Variants in SATB2 observed in about 807,000 individuals in gnomAD.
SATB2 encodes DNA-binding protein SATB2.
SATB2 carries 1 observed loss-of-function variant against 73.4 expected under a neutral mutation model. That is an observed-to-expected ratio of 0.01 (90% CI 0.00 to 0.06). The LOEUF is 0.06. Ranked by LOEUF, SATB2 falls within the 10% of genes least tolerant of loss-of-function variation. SATB2 has a pLI of 1.00. For synonymous variants in SATB2, 397 were observed against 367.0 expected (o/e 1.08, Z -0.93); for missense variants, 459 against 945.8 (o/e 0.49, Z 6.75).
intron 7 of SATB2, among the ~76,000 whole-genome samples, chr2:199,334,791 G>T (rs1005240292): frequency 6.6e-6 from 1 of 152,004 alleles, no homozygotes; most frequent in African/African-American, 2.4e-5. Context: ...TAGCCAAAGC[G>T]GTTAAATCAG....
chr2:199,380,561 C>T (rs1342442787), intron 4 of SATB2, 74 bp from the exon 5 acceptor site: 3 of 1,566,166 alleles, frequency 1.9e-6, no homozygotes, highest in African/African-American at 2.7e-5. Context: ...GACACTGCAG[C>T]AGCCATTCTT....
chr2:199,383,119 T>C lies in SATB2; in HGVS notation c.347-1299A>G, dbSNP rs957099638. Among the ~76,000 whole-genome samples, 4 of 152,208 alleles carry C rather than the reference T, an allele frequency of 2.6e-5. 1 individual carries two copies. The East Asian group carries it at 7.7e-4, about 29-fold the overall frequency. ...ATTAAAATGATACACTGTTTCAGTA[T>C]TAAGATTTAACAATCTGGTGCTGAA... On this transcript the variant is annotated intron_variant, in intron 3 of 10. Coordinates refer to ENST00000417098, the MANE Select transcript of SATB2 (RefSeq NM_001172509.2).
rs188866546 is a variant in SATB2 at position 199,361,836 on chromosome 2, C to T, written c.700+6769G>A. Among the ~76,000 whole-genome samples, 338 of 148,698 alleles carry T rather than the reference C, an allele frequency of 2.3e-3. 14 individuals are homozygous for T. Among genetic ancestry groups the T allele is most frequent in the Admixed American group, 0.021 (311 of 14,784 alleles). On this transcript the variant is annotated intron_variant, in intron 6 of 10. Transcript: ENST00000417098. ...GCAGTGGCGCAATCTCAGCTCACTT[C>T]GACCTCCACTTCCTGGGTTCAAGCG...
At chr2:199,446,430 CTATT>C (rs1253666358) in intron 2 of SATB2, among the ~76,000 whole-genome samples, 2 of 152,026 alleles carry the variant, frequency 1.3e-5, no homozygotes, top group Non-Finnish European at 2.9e-5. Flanking sequence ...AAAACCTTGA[CTATT>C]TAATTGCTGT....
intron 9 of SATB2, among the ~76,000 whole-genome samples, chr2:199,310,039 T>A (rs573608376): frequency 5.1e-4 from 78 of 152,330 alleles, no homozygotes; most frequent in Non-Finnish European, 8.5e-4. Context: ...GATTTGATTA[T>A]CTCTGCTGCA....
chr2:199,334,578 T>C (rs1688282794), intron 7 of SATB2, among the ~76,000 whole-genome samples: 1 of 151,220 alleles, frequency 6.6e-6, no homozygotes, highest in South Asian at 2.1e-4. Context: ...AAAAAAAAGG[T>C]TCCTTCCAAA....
At chr2:199,372,555 A>G (rs1265868805) in intron 5 of SATB2, among the ~76,000 whole-genome samples, 1 of 152,172 alleles carries the variant, frequency 6.6e-6, no homozygotes, top group African/African-American at 2.4e-5. Flanking sequence ...CCAGAAACTC[A>G]GAATAAAAAG....
intron 3 of SATB2, among the ~76,000 whole-genome samples, chr2:199,422,397 T>C (rs1003934374): frequency 2.6e-5 from 4 of 151,898 alleles, no homozygotes; most frequent in South Asian, 2.1e-4. Context: ...TATACAAATA[T>C]ACAAAAATAG....
At chr2:199,313,271 GT>G (rs1318403179) in intron 9 of SATB2, among the ~76,000 whole-genome samples, 1 of 151,800 alleles carries the variant, frequency 6.6e-6, no homozygotes, top group Non-Finnish European at 1.5e-5. Flanking sequence ...AAAATAAAAA[GT>G]TTTTTTTAGA....
rs1692256951 is a variant in SATB2, at chr2:199,274,653, G to T, written c.1741-1981C>A. Among the ~76,000 whole-genome samples the T allele has an allele frequency of 4.6e-5, 7 of 152,306 alleles. No homozygotes were observed. The South Asian group carries it at 1.4e-3, about 32-fold the overall frequency. On this transcript the variant is annotated intron_variant, in intron 10 of 10. Coordinates refer to ENST00000417098, the MANE Select transcript of SATB2 (RefSeq NM_001172509.2). ...CTAAGCACAGGACTATAAAACAGTG[G>T]CACTAAAGTCTGCATAATGTTGACC...
chr2:199,383,327 C>A (rs1271043256), intron 3 of SATB2, among the ~76,000 whole-genome samples: 1 of 152,148 alleles, frequency 6.6e-6, no homozygotes, highest in Non-Finnish European at 1.5e-5. Context: ...GTGCACAGCA[C>A]ACAGCATGTA....
At chr2:199,466,183 C>T (rs190214220), upstream of SATB2, among the ~76,000 whole-genome samples, 36 of 152,276 alleles carry the variant, frequency 2.4e-4, 1 homozygote, top group East Asian at 4.1e-3. Flanking sequence ...AAGGACGTCT[C>T]GCGCATTCTT....
At chr2:199,362,398 C>T (rs1482446008) in intron 6 of SATB2, among the ~76,000 whole-genome samples, 3 of 126,526 alleles carry the variant, frequency 2.4e-5, no homozygotes, top group East Asian at 2.7e-4. Context: ...GAAGAGTTTC[C>T]GGACTTTCCT....
chr2:199,364,105 T>C (rs760264879), intron 6 of SATB2, among the ~76,000 whole-genome samples: 9 of 152,322 alleles, frequency 5.9e-5, no homozygotes, highest in Admixed American at 1.3e-4. Flanking sequence ...TCAGGGGACA[T>C]TGATTTCTCT....
intron 10 of SATB2, among the ~76,000 whole-genome samples, chr2:199,298,663 C>G (rs1687189136): frequency 6.6e-6 from 1 of 152,048 alleles, no homozygotes; most frequent in Non-Finnish European, 1.5e-5. Flanking sequence ...TACCTTCATC[C>G]CCTATTTCAA....
Position 199,290,679 on chromosome 2 carries a change from C to CA in SATB2, c.1741-18008dup, listed in dbSNP as rs1692830957. On this transcript the variant is annotated intron_variant, in intron 10 of 10. Transcript: ENST00000417098. ...CTGACTCACACAGTTCTTTAATTCC[C>CA]AAAAAAATCTGATTGAAAATTATTA... 5.9e-5 allele frequency among the ~76,000 whole-genome samples: 9 copies of CA among 151,940 alleles called. No homozygotes were observed. In the South Asian group the frequency reaches 1.9e-3, roughly 32 times the overall value.
chr2:199,276,260 C>T (rs1436923374), intron 10 of SATB2, among the ~76,000 whole-genome samples: 1 of 152,198 alleles, frequency 6.6e-6, no homozygotes, highest in African/African-American at 2.4e-5. Context: ...ATCTTTTCTT[C>T]ACTTTCTCAC....
At chr2:199,405,439 G>A (rs1372307006) in intron 3 of SATB2, among the ~76,000 whole-genome samples, 4 of 152,114 alleles carry the variant, frequency 2.6e-5, no homozygotes, top group African/African-American at 9.7e-5. Flanking sequence ...GTTTATATGA[G>A]CCCAGGAATC....
chr2:199,338,155 G>T (rs1186692983), intron 7 of SATB2, among the ~76,000 whole-genome samples: 1 of 152,022 alleles, frequency 6.6e-6, no homozygotes, highest in African/African-American at 2.4e-5. Flanking sequence ...TTTGAGGTCA[G>T]GAGTTCAAGA....
Sources: gnomAD v4.1 joint callset for allele counts (sites outside exome capture counted in the v4.1 genomes callset) on GRCh38, gnomAD v4.1.1 for gene constraint, MANE v1.5 for transcripts, NCBI Gene and HGNC (gene_info 2026-07-23, HGNC 2026-07-21) for gene names.